Variants in ITIH5 observed in about 807,000 individuals in gnomAD.
ITIH5 encodes inter-alpha-trypsin inhibitor heavy chain 5, also known as inter-alpha-trypsin inhibitor heavy chain H5.
In ITIH5, 65 loss-of-function variants were observed where a neutral mutation model predicts 77.5. That is an observed-to-expected ratio of 0.84 (90% CI 0.69 to 1.03). The LOEUF is 1.03. Among genes scored for constraint, ITIH5 ranks in the 50% least tolerant of loss-of-function variants. ITIH5 has a pLI of 0.00. For synonymous variants in ITIH5, 525 were observed against 494.3 expected (o/e 1.06, Z -0.82); for missense variants, 1,208 against 1,213.1 (o/e 1.00, Z 0.06).
In ITIH5 at chr10:7,563,219, C is replaced by T. The variant is rs751345630; in HGVS notation, c.2693G>A (p.Gly898Glu). 6.2e-7 allele frequency: 1 copy of T among 1,614,232 alleles called. No individual in the cohort carries two copies. Among genetic ancestry groups the T allele is most frequent in the Non-Finnish European group, 8.5e-7 (1 of 1,180,050 alleles). Residue 898 changes from glycine (G) to glutamate (E), a missense_variant, in exon 14 of 14, where the codon GGG becomes GAG. Physicochemically the swap from Gly to Glu is moderately conservative, Grantham distance 98. Transcript: ENST00000397146. Reference sequence around the variant, plus strand: ...AAACCAGCAGTCTATCTGCTCTTCCCCGTTGTAAATCTTCCTTTGCTTCCA... The same window carrying T: ...AAACCAGCAGTCTATCTGCTCTTCCTCGTTGTAAATCTTCCTTTGCTTCCA... The part of the protein sequence containing the change: ...VVWKQRKIYN[G>E]EEQIDCWFAR...
chr10:7,657,465 T>C (rs1004840215), intron 1 of ITIH5, among the ~76,000 whole-genome samples: 1 of 149,792 alleles, frequency 6.7e-6, no homozygotes, highest in Non-Finnish European at 1.5e-5. Flanking sequence ...GGGAAGAAAA[T>C]ACTGATAGAA....
rs193289920 is a variant in ITIH5 at position 7,590,030 on chromosome 10, G to A, written c.940-3961C>T. On this transcript the variant is annotated intron_variant, in intron 7 of 13. Transcript: ENST00000397146. ...CATCCCCATGGTGCCAACTACCATC[G>A]TCATCTGTGAACTTCCAGACTTATC... Among the ~76,000 whole-genome samples the A allele has an allele frequency of 3.7e-4, 50 of 135,870 alleles. 1 individual carries two copies. The highest frequency in any genetic ancestry group is 3.0e-3 in the South Asian group (12 of 3,980). 89.1% of individuals were successfully genotyped at this position (135,870 alleles called of 152,430 possible).
intron 7 of ITIH5, among the ~76,000 whole-genome samples, chr10:7,593,342 G>C (rs1832832434): frequency 6.7e-6 from 1 of 148,878 alleles, no homozygotes; most frequent in South Asian, 2.1e-4. Context: ...GACTCCTACA[G>C]ACTGCAGCCA....
chr10:7,632,532 G>A (rs1833729973), intron 5 of ITIH5, among the ~76,000 whole-genome samples: 1 of 152,160 alleles, frequency 6.6e-6, no homozygotes, highest in African/African-American at 2.4e-5. Context: ...CACCTGTCAA[G>A]TGGCAGAAAA....
intron 8 of ITIH5, among the ~76,000 whole-genome samples, chr10:7,581,613 A>T (rs1832553954): frequency 6.6e-6 from 1 of 152,064 alleles, no homozygotes; most frequent in African/African-American, 2.4e-5. Flanking sequence ...TTATGAAAAC[A>T]TATCAAGTTG....
At chr10:7,648,889 T>C (rs1834047486) in intron 2 of ITIH5, among the ~76,000 whole-genome samples, 1 of 152,214 alleles carries the variant, frequency 6.6e-6, no homozygotes, top group Admixed American at 6.5e-5. Flanking sequence ...GCTTAGTTTA[T>C]GGGCCCAAGA....
intron 4 of ITIH5, among the ~76,000 whole-genome samples, 156 bp from the exon 5 acceptor site, chr10:7,637,634 T>A (rs1588419044): frequency 6.6e-6 from 1 of 151,948 alleles, no homozygotes; most frequent in Non-Finnish European, 1.5e-5. Context: ...AAAATAAAAA[T>A]TCGTATTAGA....
chr10:7,566,700 C>T (rs1170322292), intron 12 of ITIH5, among the ~76,000 whole-genome samples: 1 of 123,142 alleles, frequency 8.1e-6, no homozygotes, highest in Admixed American at 9.9e-5. Context: ...CTACCCTGGG[C>T]TACAGAGTGA....
At chr10:7,661,856 A>T (rs1834281718) in intron 1 of ITIH5, among the ~76,000 whole-genome samples, 1 of 151,964 alleles carries the variant, frequency 6.6e-6, no homozygotes, top group Non-Finnish European at 1.5e-5. Flanking sequence ...GCATGCCACC[A>T]TGCCCAGCTA....
chr10:7,610,069 CTTTTTTTTT>C lies in ITIH5; in HGVS notation c.939+5904_939+5912del, dbSNP rs5782989. ...CCTCCCTTTCTTTTTTTTCTTTTTT[CTTTTTTTTT>C]TTTTTTTTTGGCTCTTCTCAGCTCC... On this transcript the variant is annotated intron_variant, in intron 7 of 13. Coordinates refer to ENST00000397146, the MANE Select transcript of ITIH5 (RefSeq NM_030569.7). Among the ~76,000 whole-genome samples, 4 of 86,736 alleles carry C rather than the reference CTTTTTTTTT, an allele frequency of 4.6e-5. No homozygotes were observed. The Admixed American group carries it at 5.6e-4, about 12-fold the overall frequency. 56.9% of individuals were successfully genotyped at this position (86,736 alleles called of 152,430 possible). A position where few individuals can be genotyped will look rare whatever the true frequency, so the allele number is the denominator to read the frequency against.
chr10:7,644,230 C>A (rs1337420190), intron 2 of ITIH5, among the ~76,000 whole-genome samples: 1 of 145,656 alleles, frequency 6.9e-6, no homozygotes, highest in African/African-American at 2.6e-5. Context: ...AGAGCAAGAC[C>A]CTGTCACAGA....
intron 7 of ITIH5, among the ~76,000 whole-genome samples, chr10:7,608,123 ATCC>A (rs1360593804): frequency 1.3e-5 from 2 of 152,194 alleles, no homozygotes; most frequent in Non-Finnish European, 2.9e-5. Context: ...GCAAGCTTGC[ATCC>A]TCCTGCTTTC....
At chr10:7,619,116 C>A (rs1833426004) in intron 5 of ITIH5, 1 of 152,244 alleles carries the variant, frequency 6.6e-6, no homozygotes, top group Admixed American at 6.5e-5. Context: ...TCACTACCAG[C>A]ATGGTTGAAG....
rs951547400 is a variant in ITIH5, at chr10:7,612,612, T to C, written c.939+3370A>G. Among the ~76,000 whole-genome samples, 6 of 151,838 alleles carry C rather than the reference T, an allele frequency of 4.0e-5. No homozygotes were observed. The South Asian group carries it at 6.2e-4, about 16-fold the overall frequency. On this transcript the variant is annotated intron_variant, in intron 7 of 13. Coordinates refer to ENST00000397146, the MANE Select transcript of ITIH5 (RefSeq NM_030569.7). ...AATCATAAATATCTTCAGCAAGTTA[T>C]GTTTGTTCAGAGGAAATACAAACCC...
At chr10:7,604,925 G>A (rs1401649406) in intron 7 of ITIH5, among the ~76,000 whole-genome samples, 3 of 152,002 alleles carry the variant, frequency 2.0e-5, no homozygotes, top group African/African-American at 4.8e-5. Context: ...GGGTTCAAGC[G>A]ATTCTCCTGC....
chr10:7,634,668 A>C (rs1833770001), intron 5 of ITIH5, among the ~76,000 whole-genome samples: 1 of 152,122 alleles, frequency 6.6e-6, no homozygotes, highest in Non-Finnish European at 1.5e-5. Flanking sequence ...ACCCCACAAC[A>C]CGTACACATC....
intron 7 of ITIH5, among the ~76,000 whole-genome samples, chr10:7,594,762 G>C (rs1233687534): frequency 6.6e-6 from 1 of 152,178 alleles, no homozygotes; most frequent in Non-Finnish European, 1.5e-5. Flanking sequence ...GTCACTGCCT[G>C]ACAACTCCTG....
intron 7 of ITIH5, among the ~76,000 whole-genome samples, chr10:7,606,236 G>T (rs1372651581): frequency 1.3e-5 from 2 of 152,156 alleles, no homozygotes. Flanking sequence ...ACTCAATCCA[G>T]CCAGCCCATT....
intron 9 of ITIH5, 120 bp downstream of exon 9, chr10:7,579,635 T>A (rs1415556715): frequency 4.1e-6 from 4 of 976,096 alleles, no homozygotes; most frequent in Non-Finnish European, 6.3e-6. Context: ...CAATGAGCTA[T>A]GATCGTTGTC....
Sources: allele counts gnomAD v4.1 joint callset (sites outside exome capture counted in the v4.1 genomes callset), GRCh38; gene constraint gnomAD v4.1.1; transcripts MANE v1.5; gene names NCBI Gene and HGNC (gene_info 2026-07-23, HGNC 2026-07-21).